The following KCNH1 variants were observed in gnomAD, a reference collection of about 807,000 sequenced individuals.
KCNH1 encodes voltage-gated delayed rectifier potassium channel KCNH1.
A neutral mutation model predicts 69.2 loss-of-function variants in KCNH1; 27 were observed. That is an observed-to-expected ratio of 0.39 (90% CI 0.29 to 0.54). The LOEUF is 0.54. Ranked by LOEUF, KCNH1 falls within the 20% of genes least tolerant of loss-of-function variation. The pLI is 0.68. For missense variants in KCNH1, 798 were observed against 1,261.6 expected (o/e 0.63, Z 5.57); for synonymous variants, 456 against 487.7 (o/e 0.93, Z 0.86).
At chr1:211,098,321 G>GAAAAA (rs61005709) in intron 3 of KCNH1, among the ~76,000 whole-genome samples, 1 of 128,326 alleles carries the variant, frequency 7.8e-6, no homozygotes, top group Non-Finnish European at 1.6e-5. Context: ...ACCCTGTCTT[G>GAAAAA]AAAAAAAAAA....
intron 10 of KCNH1, among the ~76,000 whole-genome samples, chr1:210,739,070 G>A (rs1227219987): frequency 6.6e-6 from 1 of 152,166 alleles, no homozygotes; most frequent in African/African-American, 2.4e-5. Flanking sequence ...CATGCTCCAT[G>A]AGAGTTCTAG....
intron 7 of KCNH1, among the ~76,000 whole-genome samples, chr1:210,909,404 A>G (rs1687180457): frequency 6.6e-6 from 1 of 152,220 alleles, no homozygotes; most frequent in Non-Finnish European, 1.5e-5. Context: ...CAACACACAC[A>G]AGGGGTAGTT....
intron 6 of KCNH1, among the ~76,000 whole-genome samples, chr1:210,959,874 A>G (rs1688260833): frequency 6.6e-6 from 1 of 152,200 alleles, no homozygotes; most frequent in South Asian, 2.1e-4. Context: ...AGGTGAGGCA[A>G]TGCCCCGCCC....
At chr1:210,731,037 G>A (rs865952894) in intron 10 of KCNH1, among the ~76,000 whole-genome samples, 1 of 152,198 alleles carries the variant, frequency 6.6e-6, no homozygotes, top group African/African-American at 2.4e-5. Flanking sequence ...CTGAATCTAT[G>A]ACATGAAAGG....
intron 6 of KCNH1, among the ~76,000 whole-genome samples, chr1:210,948,695 T>C (rs188519760): frequency 3.9e-4 from 59 of 152,046 alleles, no homozygotes; most frequent in Admixed American, 5.9e-4. Context: ...TAGCCAGGCA[T>C]GGTGGTGGGC....
At chr1:210,732,193 C>T (rs1008282171) in intron 10 of KCNH1, among the ~76,000 whole-genome samples, 5 of 151,408 alleles carry the variant, frequency 3.3e-5, no homozygotes, top group Non-Finnish European at 5.9e-5. Flanking sequence ...GGAACTGCTC[C>T]CCAAATCTCA....
intron 5 of KCNH1, among the ~76,000 whole-genome samples, chr1:211,041,747 G>A (rs938219437): frequency 7.2e-5 from 11 of 152,000 alleles, no homozygotes; most frequent in South Asian, 2.1e-4. Flanking sequence ...TACTCCACCC[G>A]CTGGCTTTTT....
At chr1:210,879,965 GA>G (rs1262951246) in intron 7 of KCNH1, among the ~76,000 whole-genome samples, 2 of 152,252 alleles carry the variant, frequency 1.3e-5, no homozygotes, top group East Asian at 3.9e-4. Context: ...GGTGGAATTT[GA>G]AATCAGAAGC....
At chr1:211,038,466 GC>G (rs1689937500) in intron 5 of KCNH1, among the ~76,000 whole-genome samples, 1 of 152,208 alleles carries the variant, frequency 6.6e-6, no homozygotes. Context: ...AAATGTGGAA[GC>G]AACTTTAGAA....
intron 5 of KCNH1, among the ~76,000 whole-genome samples, chr1:211,031,984 G>A (rs916213958): frequency 2.6e-5 from 4 of 152,208 alleles, no homozygotes; most frequent in Admixed American, 6.5e-5. Context: ...CCTGTTTGCA[G>A]ATGACATGAT....
intron 10 of KCNH1, among the ~76,000 whole-genome samples, chr1:210,760,172 A>G (rs1683488153): frequency 6.6e-6 from 1 of 152,246 alleles, no homozygotes. Flanking sequence ...CTGCTGCTAT[A>G]CAAGACAACC....
chr1:210,753,973 G>A (rs572810952), intron 10 of KCNH1, among the ~76,000 whole-genome samples: 209 of 150,952 alleles, frequency 1.4e-3, no homozygotes, highest in Non-Finnish European at 2.6e-3. Flanking sequence ...GGACTGCAGC[G>A]GCGCTATCTT....
intron 7 of KCNH1, among the ~76,000 whole-genome samples, chr1:210,916,842 T>G (rs1687341687): frequency 6.6e-6 from 1 of 152,010 alleles, no homozygotes; most frequent in Admixed American, 6.6e-5. Context: ...ACCCGTGTAT[T>G]TTACATTTTT....
chr1:210,924,815 C>A (rs370494272), intron 6 of KCNH1, among the ~76,000 whole-genome samples: 1 of 152,034 alleles, frequency 6.6e-6, no homozygotes, highest in Non-Finnish European at 1.5e-5. Context: ...CAGCCCCAAC[C>A]CCCAGAAAAT....
At chr1:210,972,554 C>T (rs1459006812) in intron 6 of KCNH1, among the ~76,000 whole-genome samples, 1 of 152,032 alleles carries the variant, frequency 6.6e-6, no homozygotes, top group Non-Finnish European at 1.5e-5. Flanking sequence ...AATTGGCAAG[C>T]CAGTTCGTTT....
intron 6 of KCNH1, among the ~76,000 whole-genome samples, chr1:210,958,052 T>TG (rs1688214234): frequency 6.6e-6 from 1 of 152,208 alleles, no homozygotes; most frequent in African/African-American, 2.4e-5. Context: ...TGGCTGGTAC[T>TG]GTTGTTCCTT....
At chr1:210,782,735 A>G (rs1369601891) in intron 9 of KCNH1, among the ~76,000 whole-genome samples, 1 of 152,120 alleles carries the variant, frequency 6.6e-6, no homozygotes, top group Non-Finnish European at 1.5e-5. Context: ...TCAAAAAAAA[A>G]AGAAAGAAAG....
At chr1:210,997,039 A>C (rs912894617) in intron 6 of KCNH1, among the ~76,000 whole-genome samples, 4 of 152,244 alleles carry the variant, frequency 2.6e-5, no homozygotes, top group African/African-American at 4.8e-5. Context: ...GACCAAAAGT[A>C]GATAAAACCA....
intron 7 of KCNH1, among the ~76,000 whole-genome samples, chr1:210,820,540 A>T (rs2102425536): frequency 6.6e-6 from 1 of 152,306 alleles, no homozygotes; most frequent in Non-Finnish European, 1.5e-5. Context: ...AGCATGAAGC[A>T]GGAGAATTGC....
Sources: gnomAD v4.1 joint callset for allele counts (sites outside exome capture counted in the v4.1 genomes callset) on GRCh38, gnomAD v4.1.1 for gene constraint, MANE v1.5 for transcripts, NCBI Gene and HGNC (gene_info 2026-07-23, HGNC 2026-07-21) for gene names.